The following DARS2 variants were observed in gnomAD, a reference collection of about 807,000 sequenced individuals.
DARS2 encodes aspartate--tRNA ligase, mitochondrial.
A neutral mutation model predicts 83.0 loss-of-function variants in DARS2; 63 were observed. The ratio of observed to expected loss-of-function variants is 0.76; its 90% CI spans 0.62 to 0.94. The LOEUF is 0.94. DARS2 is among the 40% of genes least tolerant of loss of function. DARS2 has a pLI of 0.00. For synonymous variants in DARS2, 250 were observed against 269.3 expected (o/e 0.93, Z 0.70); for missense variants, 675 against 774.4 (o/e 0.87, Z 1.52).
intron 13 of DARS2, among the ~76,000 whole-genome samples, chr1:173,851,323 C>T (rs1359486781): frequency 6.6e-6 from 1 of 151,570 alleles, no homozygotes; most frequent in Non-Finnish European, 1.5e-5. Flanking sequence ...TTAGACCTGA[C>T]CCTAATTAGA....
intron 1 of DARS2, among the ~76,000 whole-genome samples, chr1:173,826,326 A>G (rs1652561791): frequency 6.6e-6 from 1 of 152,158 alleles, no homozygotes; most frequent in Admixed American, 6.5e-5. Context: ...TAGTTCCTAC[A>G]CCGTCCATTT....
chr1:173,837,686 T>C (rs1396835123), intron 8 of DARS2, among the ~76,000 whole-genome samples: 1 of 152,240 alleles, frequency 6.6e-6, no homozygotes, highest in Non-Finnish European at 1.5e-5. Flanking sequence ...CAGTGTTTAT[T>C]TTGAAAACAA....
At chr1:173,854,378 GTAAA>G (rs1653785954) in intron 15 of DARS2, among the ~76,000 whole-genome samples, 1 of 152,112 alleles carries the variant, frequency 6.6e-6, no homozygotes, top group Admixed American at 6.6e-5. Context: ...ACTTGGAAAA[GTAAA>G]TAATAATATT....
rs540818280 is a variant in DARS2, at chr1:173,835,208, GCCT to G, written c.663+692_663+694del. On this transcript the variant is annotated intron_variant, in intron 7 of 16. Transcript: ENST00000649689. The stretch of plus-strand genomic sequence containing the variant: ...GGATTCAAGTGATTCTTCTGCCTCA[GCCT>G]CCCAAGTAGCTGGGACTACAGGTGC... 2.0e-3 allele frequency among the ~76,000 whole-genome samples: 306 copies of G among 151,808 alleles called. 2 individuals are homozygous for G. Among genetic ancestry groups the G allele is most frequent in the African/African-American group, 7.0e-3 (292 of 41,434 alleles).
chr1:173,857,711 G>T lies in DARS2; in HGVS notation c.*6G>T. ...AAGCAGAAAGAGCTCATTGAATCAT[G>T]CATACCATGCAGAAAGTTGAGCTTT... On this transcript the variant is annotated 3_prime_UTR_variant, in exon 17 of 17. Coordinates refer to ENST00000649689, the MANE Select transcript of DARS2 (RefSeq NM_018122.5). 1 of 1,614,104 alleles carries T rather than the reference G, an allele frequency of 6.2e-7. No individual in the cohort carries two copies. The highest frequency in any genetic ancestry group is 1.3e-5 in the African/African-American group (1 of 75,042).
At chr1:173,850,580 T>C (rs1248241145) in intron 13 of DARS2, 101 bp downstream of exon 13, 1 of 1,197,340 alleles carries the variant, frequency 8.4e-7, no homozygotes, top group African/African-American at 1.6e-5. Context: ...TGTTAATTCA[T>C]AAAATGGAGC....
intron 5 of DARS2, among the ~76,000 whole-genome samples, chr1:173,832,884 C>T (rs1273453103): frequency 6.6e-6 from 1 of 151,840 alleles, no homozygotes; most frequent in Non-Finnish European, 1.5e-5. Flanking sequence ...GCGTCCCATT[C>T]AGGTGAATCT....
intron 1 of DARS2, among the ~76,000 whole-genome samples, chr1:173,825,634 A>G (rs957913808): frequency 2.6e-5 from 4 of 151,124 alleles, no homozygotes; most frequent in Admixed American, 1.3e-4. Flanking sequence ...ACGCCCGGCT[A>G]ATTTTTCTGT....
chr1:173,850,222 T>G (rs1653597038), intron 12 of DARS2, 105 bp from the exon 13 acceptor site: 1 of 1,264,680 alleles, frequency 7.9e-7, no homozygotes, highest in Non-Finnish European at 1.1e-6. Context: ...CTCTTTTAAA[T>G]TCTCTTCTAT....
chr1:173,844,165 T>C (rs1653332995), intron 11 of DARS2, among the ~76,000 whole-genome samples: 1 of 152,218 alleles, frequency 6.6e-6, no homozygotes, highest in Non-Finnish European at 1.5e-5. Context: ...TTCAAAGTTA[T>C]GTAACATGAT....
At chr1:173,838,800 G>A (rs1205782508) in intron 9 of DARS2, among the ~76,000 whole-genome samples, 1 of 152,012 alleles carries the variant, frequency 6.6e-6, no homozygotes, top group Non-Finnish European at 1.5e-5. Flanking sequence ...CAGTGGCGCG[G>A]TCTCAGCTCA....
intron 5 of DARS2, among the ~76,000 whole-genome samples, chr1:173,832,359 C>A (rs1443108481): frequency 1.3e-5 from 2 of 152,038 alleles, no homozygotes; most frequent in Non-Finnish European, 2.9e-5. Flanking sequence ...ATAGAGTTGA[C>A]CTTATTTTGA....
chr1:173,833,396 G>A lies in DARS2; in HGVS notation c.513G>A (p.Leu171=), dbSNP rs765248053. The A allele has an allele frequency of 9.9e-5, 159 of 1,609,040 alleles. No homozygotes were observed. Among genetic ancestry groups the A allele is most frequent in the South Asian group, 7.4e-4 (66 of 89,562 alleles). The part of the protein sequence containing the change: ...NFVKKTEALR[L]QYRYLDLRSF... The stretch of plus-strand genomic sequence containing the variant: ...TTTAGAAAACAGAGGCTCTTCGGTT[G>A]CAGTATCGCTACTTAGACTTGCGTA... The change falls in exon 6 of 17, where the codon TTG becomes TTA. Residue 171 remains leucine (L), a synonymous_variant. Coordinates refer to ENST00000649689, the MANE Select transcript of DARS2 (RefSeq NM_018122.5).
intron 5 of DARS2, 146 bp from the exon 6 acceptor site, chr1:173,833,230 G>A: frequency 1.6e-6 from 1 of 624,796 alleles, no homozygotes; most frequent in Non-Finnish European, 2.6e-6. Flanking sequence ...CTTAGAAGTT[G>A]TAGGAATTAA....
chr1:173,848,283 C>T (rs1653518609), intron 12 of DARS2, among the ~76,000 whole-genome samples: 1 of 152,130 alleles, frequency 6.6e-6, no homozygotes, highest in Non-Finnish European at 1.5e-5. Flanking sequence ...TTACTGAGTT[C>T]TTACAAAATG....
intron 15 of DARS2, among the ~76,000 whole-genome samples, chr1:173,855,460 TG>T (rs1477813378): frequency 6.6e-6 from 1 of 151,742 alleles, no homozygotes; most frequent in African/African-American, 2.4e-5. Context: ...TTGGGTTTTG[TG>T]TGTTTGTTTG....
At chr1:173,841,028 T>A (rs1023740177) in intron 11 of DARS2, 55 bp downstream of exon 11, 3 of 1,009,864 alleles carry the variant, frequency 3.0e-6, no homozygotes, top group African/African-American at 3.2e-5. Context: ...GAAGTAACTT[T>A]GTCCAATACT....
chr1:173,833,546 C>G, intron 6 of DARS2, 47 bp downstream of exon 6: 1 of 1,612,092 alleles, frequency 6.2e-7, no homozygotes, highest in Non-Finnish European at 8.5e-7. Context: ...AGCATCTCTT[C>G]TATTTTATTC....
At chr1:173,841,938 G>C (rs1653228648) in intron 11 of DARS2, among the ~76,000 whole-genome samples, 1 of 152,152 alleles carries the variant, frequency 6.6e-6, no homozygotes, top group African/African-American at 2.4e-5. Flanking sequence ...ATCAGCACCA[G>C]CATGGCCATT....
Sources: allele counts gnomAD v4.1 joint callset (sites outside exome capture counted in the v4.1 genomes callset), GRCh38; gene constraint gnomAD v4.1.1; transcripts MANE v1.5; gene names NCBI Gene and HGNC (gene_info 2026-07-23, HGNC 2026-07-21).